CUL4B: variants seen among roughly 807,000 people sequenced by gnomAD.
The protein encoded by CUL4B is cullin-4B.
In CUL4B, 1 loss-of-function variant was observed where a neutral mutation model predicts 69.2. That is an observed-to-expected ratio of 0.01 (90% CI 0.01 to 0.07). The LOEUF is 0.07. Among genes scored for constraint, CUL4B ranks in the 10% least tolerant of loss-of-function variants. The probability of loss-of-function intolerance (pLI) is 1.00; values close to 1 mark genes in which losing one functional copy is unlikely to be tolerated. For missense variants in CUL4B, 328 were observed against 638.8 expected (o/e 0.51, Z 5.24); for synonymous variants, 237 against 223.2 (o/e 1.06, Z -0.55).
intron 2 of CUL4B, among the ~76,000 whole-genome samples, chrX:120,548,302 G>A (rs1924459861): frequency 9.0e-6 from 1 of 111,360 alleles, no homozygotes; most frequent in Non-Finnish European, 1.9e-5. Context: ...TGTTTAAAAT[G>A]TTAATCATTT....
chrX:120,566,377 A>G (rs1376073849), upstream of CUL4B, among the ~76,000 whole-genome samples: 1 of 66,805 alleles, frequency 1.5e-5, no homozygotes, highest in Non-Finnish European at 3.2e-5. Flanking sequence ...ATATATATAT[A>G]TATATATATA....
At chrX:120,550,184 C>G (rs1049714949) in intron 2 of CUL4B, among the ~76,000 whole-genome samples, 1 of 111,972 alleles carries the variant, frequency 8.9e-6, no homozygotes, top group African/African-American at 3.2e-5. Context: ...TATCTCCCAA[C>G]CACTGGACAC....
At chrX:120,564,303 AAAAC>A (rs898417665), upstream of CUL4B, among the ~76,000 whole-genome samples, 27 of 111,491 alleles carry the variant, frequency 2.4e-4, no homozygotes, top group Non-Finnish European at 4.1e-4. Flanking sequence ...CTTGTTACAA[AAAAC>A]AAACAAACAA....
chrX:120,547,750 T>C (rs1259987683), intron 2 of CUL4B, among the ~76,000 whole-genome samples: 1 of 111,518 alleles, frequency 9.0e-6, no homozygotes, highest in Non-Finnish European at 1.9e-5. Flanking sequence ...TTTGAGTCAG[T>C]GGGCTGGGGA....
chrX:120,571,311 T>A (rs761198038), exon 3 of CUL4B: 69 of 111,457 alleles, frequency 6.2e-4, no homozygotes, highest in Non-Finnish European at 1.0e-3. Flanking sequence ...AAGGTTTTTT[T>A]AAAAAAAGTT....
In CUL4B at chrX:120,540,571, A is replaced by G; in HGVS notation, c.1444-9T>C. ...ATAGTGCTGCCAAATGCCTAAAACA[A>G]AAAATTACCACTTTTTACTGTAATC... is the stretch of plus-strand genomic sequence containing the variant. On this transcript the variant is annotated splice_polypyrimidine_tract_variant and intron_variant, in intron 10 of 19. Coordinates refer to ENST00000371322, the MANE Select transcript of CUL4B (RefSeq NM_001079872.2). 1 of 1,156,805 alleles carries G rather than the reference A, an allele frequency of 8.6e-7. No homozygotes were observed. The highest frequency in any genetic ancestry group is 1.2e-6 in the Non-Finnish European group (1 of 847,974).
At chrX:120,571,439 G>A (rs1162422026) in exon 3 of CUL4B, 1 of 111,632 alleles carries the variant, frequency 9.0e-6, no homozygotes, top group Non-Finnish European at 1.9e-5. Flanking sequence ...AGCATACCTT[G>A]TGGATTTCTG....
At chrX:120,542,320 T>C (rs1924042162) in intron 9 of CUL4B, among the ~76,000 whole-genome samples, 1 of 111,848 alleles carries the variant, frequency 8.9e-6, no homozygotes, top group Non-Finnish European at 1.9e-5. Context: ...TAAATGAGGC[T>C]CTAATAAATA....
In CUL4B at chrX:120,560,884, G is replaced by A. The variant is rs1925255275; in HGVS notation, c.-246C>T. ...GGGAGAGCGAATGAGGAGGCAGACA[G>A]GTAAACGGCCGTGCCGTCCCCCTCC... On this transcript the variant is annotated 5_prime_UTR_variant, in exon 1 of 20. Coordinates refer to ENST00000371322, the MANE Select transcript of CUL4B (RefSeq NM_001079872.2). 1.3e-6 allele frequency: 1 copy of A among 750,789 alleles called. No individual in the cohort carries two copies. Among genetic ancestry groups the A allele is most frequent in the Non-Finnish European group, 1.6e-6 (1 of 638,424 alleles). 61.9% of individuals were successfully genotyped at this position (750,789 alleles called of 1,213,427 possible). A position where few individuals can be genotyped will look rare whatever the true frequency, so the allele number is the denominator to read the frequency against.
rs2062527250 is a variant in CUL4B at position 120,555,831 on chromosome X, AC to A, written c.672+2092del. Among the ~76,000 whole-genome samples the A allele has an allele frequency of 5.6e-5, 6 of 107,360 alleles. 1 individual carries two copies. In the South Asian group the frequency reaches 2.5e-3, roughly 45 times the overall value. 93.2% of individuals were successfully genotyped at this position (107,360 alleles called of 115,157 possible). A position where few individuals can be genotyped will look rare whatever the true frequency, so the allele number is the denominator to read the frequency against. ...GTGGCAGGCGCCTGTAATTCCACCT[AC>A]TTGGGAAGCTGAGGCAAGAGGATCA... On this transcript the variant is annotated intron_variant, in intron 2 of 19. Transcript: ENST00000371322.
Position 120,541,719 on chromosome X carries a change from A to G in CUL4B, c.1326T>C (p.Gly442=). The change falls in exon 10 of 20, where the codon GGT becomes GGC. Residue 442 remains glycine, a splice_region_variant and synonymous_variant. Transcript: ENST00000371322. ...GEHLTAILQK[G]LNNLLDENRI... Reference sequence around the variant, plus strand: ...GGTTTTCATCAAGGAGGTTATTTAAACCTGTATTTTAAAACATTTTGGCAT... The same window carrying G: ...GGTTTTCATCAAGGAGGTTATTTAAGCCTGTATTTTAAAACATTTTGGCAT... 8.9e-7 allele frequency: 1 copy of G among 1,126,235 alleles called. No homozygotes were observed. Among genetic ancestry groups the G allele is most frequent in the Non-Finnish European group, 1.2e-6 (1 of 817,748 alleles). 92.8% of individuals were successfully genotyped at this position (1,126,235 alleles called of 1,213,427 possible).
chrX:120,559,846 T>C, intron 1 of CUL4B: 1 of 1,137,256 alleles, frequency 8.8e-7, no homozygotes. Flanking sequence ...ATACAATAGG[T>C]TGAAAAAGAC....
intron 9 of CUL4B, among the ~76,000 whole-genome samples, chrX:120,542,404 A>G (rs1359824096): frequency 9.0e-6 from 1 of 111,431 alleles, no homozygotes; most frequent in Non-Finnish European, 1.9e-5. Context: ...ACAAAAGAAA[A>G]TATTATTGGG....
chrX:120,560,937 T>C lies in CUL4B; in HGVS notation c.-299A>G. 9.3e-6 allele frequency: 7 copies of C among 753,478 alleles called. No individual in the cohort carries two copies. Among genetic ancestry groups the C allele is most frequent in the South Asian group, 6.8e-5 (1 of 14,778 alleles). 62.1% of individuals were successfully genotyped at this position (753,478 alleles called of 1,213,427 possible). A position where few individuals can be genotyped will look rare whatever the true frequency, so the allele number is the denominator to read the frequency against. Reference sequence around the variant, plus strand: ...TGCTTTTCGATCTCTCTCCCCCCCTTTCTGCAGGAGCGACTCAGCGAGTCT... The same window carrying C: ...TGCTTTTCGATCTCTCTCCCCCCCTCTCTGCAGGAGCGACTCAGCGAGTCT... On this transcript the variant is annotated 5_prime_UTR_variant, in exon 1 of 20. Coordinates refer to ENST00000371322, the MANE Select transcript of CUL4B (RefSeq NM_001079872.2).
At chrX:120,572,969 TTTAG>T (rs201491482) in intron 2 of CUL4B, among the ~76,000 whole-genome samples, 2,283 of 111,785 alleles carry the variant, frequency 0.02, 39 homozygotes, top group East Asian at 0.11. Flanking sequence ...TTCAGTTCTG[TTTAG>T]TTATGCAAAT....
chrX:120,531,320 CA>C (rs1399423691), intron 18 of CUL4B, among the ~76,000 whole-genome samples: 13 of 101,884 alleles, frequency 1.3e-4, no homozygotes, highest in African/African-American at 3.6e-4. Flanking sequence ...GACTCCACCT[CA>C]AAAAAAAAAT....
rs1226768720 is a variant in CUL4B, at chrX:120,537,020, C to A, written c.1953G>T (p.Gln651His). ...MIQFKQYMQN[Q>H]NVPGNIELTV... ...TTAACTCAATATTTCCCGGAACATT[C>A]TGATTCTGCATATACTATAAGAAGA... Residue 651 changes from glutamine (Q) to histidine (H), a missense_variant, in exon 15 of 20, where the codon CAG (glutamine) becomes CAT (histidine). Gln to His is a conservative substitution (Grantham distance 24). Around this residue, in one of 4 missense-constraint regions of CUL4B, gnomAD observed 98 missense variants for 296.8 expected, o/e 0.33. Coordinates refer to ENST00000371322, the MANE Select transcript of CUL4B (RefSeq NM_001079872.2). 2 of 1,184,245 alleles carry A rather than the reference C, an allele frequency of 1.7e-6. No homozygotes were observed. The highest frequency in any genetic ancestry group is 1.8e-5 in the African/African-American group (1 of 56,653).
rs1219538537 is a variant in CUL4B at position 120,545,571 on chromosome X, A to G, written c.847-54T>C. ...AAGTTTTGTATGTTGTGAAGCTGAA[A>G]TATTTGCTTTCAATAAGAATAAAAC... On this transcript the variant is annotated intron_variant, in intron 4 of 19. Coordinates refer to ENST00000371322, the MANE Select transcript of CUL4B (RefSeq NM_001079872.2). 3 of 856,977 alleles carry G rather than the reference A, an allele frequency of 3.5e-6. No homozygotes were observed. In the East Asian group the frequency reaches 1.0e-4, roughly 29 times the overall value. 70.6% of individuals were successfully genotyped at this position (856,977 alleles called of 1,213,427 possible).
intron 17 of CUL4B, among the ~76,000 whole-genome samples, chrX:120,533,270 T>A (rs900198948): frequency 2.7e-5 from 3 of 112,084 alleles, no homozygotes; most frequent in African/African-American, 9.7e-5. Context: ...CCCAATAGCA[T>A]CTAAACTGGA....
Sources: gnomAD v4.1 joint callset for allele counts (sites outside exome capture counted in the v4.1 genomes callset) on GRCh38, gnomAD v4.1.1 for gene constraint, gnomAD v4.1.1 regional missense constraint, MANE v1.5 for transcripts, NCBI Gene and HGNC (gene_info 2026-07-23, HGNC 2026-07-21) for gene names.